Variants in DCX observed in about 807,000 individuals in gnomAD.
The protein encoded by DCX is doublecortin.
DCX carries 4 observed loss-of-function variants against 20.9 expected under a neutral mutation model. The observed-to-expected ratio is 0.19, with a 90% confidence interval of 0.09 to 0.44. The LOEUF is 0.44. DCX is among the 20% of genes least tolerant of loss of function. The pLI, the probability that DCX is intolerant of heterozygous loss-of-function variation, is 0.99. For synonymous variants in DCX, 103 were observed against 111.4 expected, an observed-to-expected ratio of 0.92 and a Z score of 0.47; for missense variants, 133 against 296.9, an observed-to-expected ratio of 0.45 and a Z score of 4.06.
At position 111,410,744 on chromosome X, in the gene DCX, T is replaced by C. The variant is rs763976110; in HGVS notation, c.-22-324A>G. The C allele has an allele frequency of 3.3e-6, 4 of 1,200,597 alleles. No homozygotes were observed. In the South Asian group the frequency reaches 5.3e-5, roughly 16 times the overall value. On this transcript the variant is annotated intron_variant, in intron 1 of 6. Coordinates refer to ENST00000636035, the MANE Select transcript of DCX (RefSeq NM_001195553.2). ...GAGATTTTGAAATAGCTGAAAATCC[T>C]GAGACTTACTGACAGTGGCTCCTAT...
intron 3 of DCX, among the ~76,000 whole-genome samples, chrX:111,382,462 T>C (rs1926047902): frequency 9.0e-6 from 1 of 111,653 alleles, no homozygotes; most frequent in South Asian, 3.7e-4. Flanking sequence ...TATCACAACC[T>C]CTCCACCTCT....
At chrX:111,336,527 G>A (rs1469013943) in intron 3 of DCX, among the ~76,000 whole-genome samples, 7 of 112,065 alleles carry the variant, frequency 6.2e-5, no homozygotes, top group Non-Finnish European at 9.4e-5. Context: ...ATTGAGACAC[G>A]GCAGCCCCCC....
At chrX:111,411,521 C>G (rs1928715894) in intron 1 of DCX, 2 of 114,605 alleles carry the variant, frequency 1.7e-5, no homozygotes, top group Admixed American at 1.8e-4. Context: ...CCCCCTCCCC[C>G]ACCAAGAACC....
At position 111,328,233 on chromosome X, in the gene DCX, GAAAAAGC is replaced by G. The variant is rs370375580; in HGVS notation, c.946+2664_946+2670del. ...TCTTTTTTTTTAGTGAAGGAGTTAT[GAAAAAGC>G]AAGAGCAGATCTTGCCTGCCAAAGC... On this transcript the variant is annotated intron_variant, in intron 5 of 6. Coordinates refer to ENST00000636035, the MANE Select transcript of DCX (RefSeq NM_001195553.2). 1.9e-3 allele frequency among the ~76,000 whole-genome samples: 216 copies of G among 111,013 alleles called. 1 individual carries two copies. Among genetic ancestry groups the G allele is most frequent in the African/African-American group, 6.7e-3 (206 of 30,616 alleles).
chrX:111,331,312 T>G (rs73545272), intron 4 of DCX, among the ~76,000 whole-genome samples: 1,559 of 111,776 alleles, frequency 0.014, 31 homozygotes, highest in African/African-American at 0.047. Context: ...GGCAATTAAA[T>G]AGTCAATTCA....
chrX:111,384,147 T>A (rs1367859881), intron 3 of DCX, among the ~76,000 whole-genome samples: 1 of 111,728 alleles, frequency 9.0e-6, no homozygotes, highest in Non-Finnish European at 1.9e-5. Flanking sequence ...TAACCCTGAC[T>A]TTAGCCTTTA....
chrX:111,360,090 G>A (rs779505063), intron 3 of DCX, among the ~76,000 whole-genome samples: 13 of 112,035 alleles, frequency 1.2e-4, no homozygotes, highest in Admixed American at 1.9e-4. Context: ...ATAGGGAATT[G>A]TTTAATAAAC....
Position 111,300,694 on chromosome X carries a change from C to G in DCX, c.*993G>C, listed in dbSNP as rs1351591353. 3 of 108,114 alleles carry G rather than the reference C, an allele frequency of 2.8e-5. No individual in the cohort carries two copies. The highest frequency in any genetic ancestry group is 5.7e-5 in the Non-Finnish European group (3 of 52,346). 8.9% of individuals were successfully genotyped at this position (108,114 alleles called of 1,213,427 possible). ...AAATCACCAGTTTATAAAAAAGGAG[C>G]CTGAAGAGTTTGCTCCTGAAATACA... On this transcript the variant is annotated 3_prime_UTR_variant, in exon 7 of 7. Coordinates refer to ENST00000636035, the MANE Select transcript of DCX (RefSeq NM_001195553.2).
intron 5 of DCX, among the ~76,000 whole-genome samples, chrX:111,329,786 C>A (rs1267026190): frequency 1.8e-5 from 2 of 111,832 alleles, no homozygotes; most frequent in African/African-American, 6.5e-5. Context: ...GCAGGCAGTA[C>A]AGGCTATTCA....
chrX:111,407,496 C>T (rs1450807413), intron 2 of DCX, among the ~76,000 whole-genome samples: 1 of 111,667 alleles, frequency 9.0e-6, no homozygotes, highest in Non-Finnish European at 1.9e-5. Flanking sequence ...CTATCCCAGA[C>T]ATAGCCCTGA....
At chrX:111,401,422 A>G in intron 2 of DCX, 92 bp from the exon 3 acceptor site, 1 of 831,033 alleles carries the variant, frequency 1.2e-6, no homozygotes, top group Non-Finnish European at 1.8e-6. Context: ...ACTGGAGTAG[A>G]ACTTTTCAAT....
intron 3 of DCX, among the ~76,000 whole-genome samples, chrX:111,352,032 G>A (rs1443638448): frequency 4.5e-5 from 5 of 111,914 alleles, no homozygotes; most frequent in Admixed American, 3.8e-4. Flanking sequence ...GCCTGCAATG[G>A]TTCTTAACCA....
rs1297147397 is a variant in DCX, at chrX:111,294,096, G to A, written c.*7591C>T. The A allele has an allele frequency of 2.7e-5, 3 of 111,747 alleles. No individual in the cohort carries two copies. The highest frequency in any genetic ancestry group is 5.6e-5 in the Non-Finnish European group (3 of 53,118). 9.2% of individuals were successfully genotyped at this position (111,747 alleles called of 1,213,427 possible). ...GGTCTGCTCCAGCTGGTTTATGGGG[G>A]CCTCACCAAACCTACCAGTCCAAGT... On this transcript the variant is annotated 3_prime_UTR_variant, in exon 7 of 7. Coordinates refer to ENST00000636035, the MANE Select transcript of DCX (RefSeq NM_001195553.2).
chrX:111,314,449 C>T (rs1414386232), intron 5 of DCX, among the ~76,000 whole-genome samples: 2 of 111,594 alleles, frequency 1.8e-5, no homozygotes, highest in Admixed American at 1.9e-4. Context: ...GGAAGACAAA[C>T]AAGAGGAGGC....
At position 111,324,666 on chromosome X, in the gene DCX, A is replaced by C. The variant is rs191458802; in HGVS notation, c.946+6238T>G. 3.5e-3 allele frequency among the ~76,000 whole-genome samples: 397 copies of C among 112,324 alleles called. 3 individuals carry two copies. The highest frequency in any genetic ancestry group is 0.012 in the African/African-American group (377 of 30,953). ...TTAATACAAGTAAAGCGATTAGAAC[A>C]GTTGCCTGACACATAATAGGAGCTA... On this transcript the variant is annotated intron_variant, in intron 5 of 6. Transcript: ENST00000636035.
chrX:111,409,340 T>C (rs1264613333), intron 2 of DCX, among the ~76,000 whole-genome samples: 3 of 111,195 alleles, frequency 2.7e-5, no homozygotes, highest in South Asian at 3.8e-4. Flanking sequence ...ACTCAGAAAA[T>C]TTAGTTGCCA....
At chrX:111,391,361 C>G (rs911761050) in intron 3 of DCX, among the ~76,000 whole-genome samples, 2 of 111,583 alleles carry the variant, frequency 1.8e-5, no homozygotes, top group African/African-American at 6.5e-5. Flanking sequence ...GCCTGTGGAA[C>G]TGTGAGTCAA....
At chrX:111,303,610 G>A (rs1461401576) in intron 6 of DCX, among the ~76,000 whole-genome samples, 1 of 111,863 alleles carries the variant, frequency 8.9e-6, no homozygotes, top group African/African-American at 3.2e-5. Context: ...GAAACCCGAG[G>A]TTTAACTCTG....
chrX:111,338,745 C>T (rs771569629), intron 3 of DCX, among the ~76,000 whole-genome samples: 3 of 108,698 alleles, frequency 2.8e-5, no homozygotes, highest in African/African-American at 1.0e-4. Flanking sequence ...CTGAACTTCC[C>T]TAAAATCTGT....
Sources: gnomAD v4.1 joint callset for allele counts (sites outside exome capture counted in the v4.1 genomes callset) on GRCh38, gnomAD v4.1.1 for gene constraint, MANE v1.5 for transcripts, NCBI Gene and HGNC (gene_info 2026-07-23, HGNC 2026-07-21) for gene names.